The following SLC2A9 variants were observed in gnomAD, a reference collection of about 807,000 sequenced individuals.
SLC2A9 encodes solute carrier family 2 member 9.
Under a neutral mutation model 50.6 loss-of-function variants are expected in SLC2A9, and 39 were observed. The observed-to-expected ratio is 0.77, with a 90% CI of 0.60 to 1.01. The LOEUF (loss-of-function observed/expected upper bound fraction) is 1.01. SLC2A9 is among the 50% of genes least tolerant of loss of function. The pLI is 0.00. For synonymous variants in SLC2A9, 324 were observed against 276.9 expected, an observed-to-expected ratio of 1.17 and a Z score of -1.69; for missense variants, 686 against 677.6, an observed-to-expected ratio of 1.01 and a Z score of -0.14.
At chr4:9,956,692 A>C (rs969042268) in intron 5 of SLC2A9, among the ~76,000 whole-genome samples, 1 of 152,120 alleles carries the variant, frequency 6.6e-6, no homozygotes, top group Non-Finnish European at 1.5e-5. Flanking sequence ...CTAGCATTTC[A>C]AATTGTGATC....
intron 10 of SLC2A9, among the ~76,000 whole-genome samples, chr4:9,886,288 GA>G (rs1477585651): frequency 6.6e-6 from 1 of 152,222 alleles, no homozygotes; most frequent in Non-Finnish European, 1.5e-5. Context: ...AGATGCCCTG[GA>G]AGACTAAACA....
chr4:9,928,014 G>A (rs1380376759), intron 6 of SLC2A9, among the ~76,000 whole-genome samples: 2 of 152,200 alleles, frequency 1.3e-5, no homozygotes, highest in Non-Finnish European at 2.9e-5. Context: ...ATGCCTGTAT[G>A]TAGTTCCAAC....
intron 3 of SLC2A9, among the ~76,000 whole-genome samples, chr4:9,791,489 G>T (rs113172407): frequency 1.4e-4 from 21 of 152,360 alleles, no homozygotes; most frequent in African/African-American, 5.0e-4. Flanking sequence ...AACTTTAGTT[G>T]ATGCTGAAGG....
At chr4:9,847,905 T>G (rs1442535314) in intron 10 of SLC2A9, among the ~76,000 whole-genome samples, 1 of 152,178 alleles carries the variant, frequency 6.6e-6, no homozygotes, top group African/African-American at 2.4e-5. Context: ...TGGTCTGAAC[T>G]GAAAGAGCAA....
intron 1 of SLC2A9, chr4:10,034,337 A>C (rs765470938): frequency 1.3e-5 from 2 of 152,304 alleles, no homozygotes; most frequent in Non-Finnish European, 2.9e-5. Context: ...GCGACCCCGC[A>C]CTTGTCAGCC....
intron 3 of SLC2A9, among the ~76,000 whole-genome samples, chr4:9,994,885 G>A (rs9998739): frequency 0.23 from 34,494 of 151,944 alleles, 4,435 homozygotes; most frequent in African/African-American, 0.33. Flanking sequence ...CATCCCACTA[G>A]GACAAGCAAG....
intron 3 of SLC2A9, among the ~76,000 whole-genome samples, chr4:9,816,279 C>A (rs1209272985): frequency 6.6e-6 from 1 of 152,200 alleles, no homozygotes; most frequent in Non-Finnish European, 1.5e-5. Context: ...CTGGAGACAA[C>A]TGCTCTAGGC....
intron 10 of SLC2A9, among the ~76,000 whole-genome samples, chr4:9,878,656 C>T (rs1249849213): frequency 1.3e-5 from 2 of 151,944 alleles, no homozygotes; most frequent in African/African-American, 4.8e-5. Context: ...GGGCACTTTC[C>T]TGAGTTCTGG....
intron 1 of SLC2A9, among the ~76,000 whole-genome samples, chr4:10,030,870 C>A (rs1439913019): frequency 1.3e-5 from 2 of 152,146 alleles, no homozygotes; most frequent in Non-Finnish European, 2.9e-5. Context: ...CAGCCCTCAG[C>A]AGAGGTCATG....
chr4:10,020,417 C>T (rs1161698156), intron 1 of SLC2A9, among the ~76,000 whole-genome samples: 1 of 152,142 alleles, frequency 6.6e-6, no homozygotes. Flanking sequence ...GTTGAGGAGC[C>T]TGCTGCAGAG....
At chr4:9,792,163 C>CTTTTTTTTTT (rs34289788) in intron 3 of SLC2A9, among the ~76,000 whole-genome samples, 34 of 77,218 alleles carry the variant, frequency 4.4e-4, no homozygotes, top group Non-Finnish European at 6.1e-4. Context: ...TTCTATGTTT[C>CTTTTTTTTTT]TTTTTTTTTT....
chr4:9,848,479 T>A (rs1450204548), intron 10 of SLC2A9, among the ~76,000 whole-genome samples: 1 of 152,000 alleles, frequency 6.6e-6, no homozygotes, highest in Non-Finnish European at 1.5e-5. Context: ...CACAGCCTCA[T>A]GTTTATTTAT....
downstream of SLC2A9, among the ~76,000 whole-genome samples, chr4:9,795,855 A>G (rs1246027244): frequency 6.6e-6 from 1 of 152,220 alleles, no homozygotes. Flanking sequence ...ACCAAAGAGC[A>G]GCATGAGCAG....
intron 10 of SLC2A9, among the ~76,000 whole-genome samples, chr4:9,864,268 C>T (rs1732100054): frequency 6.6e-6 from 1 of 150,572 alleles, no homozygotes; most frequent in African/African-American, 2.5e-5. Flanking sequence ...CTCTCAGAAC[C>T]AGTTTTCTTC....
chr4:10,008,518 G>T (rs1354565794), intron 2 of SLC2A9, among the ~76,000 whole-genome samples: 1 of 152,224 alleles, frequency 6.6e-6, no homozygotes, highest in African/African-American at 2.4e-5. Flanking sequence ...GACATCACAG[G>T]AGGCAGCTCC....
At chr4:9,836,088 C>CAAAAAAAAAAAAAA (rs35303241) in intron 10 of SLC2A9, among the ~76,000 whole-genome samples, 14 of 48,200 alleles carry the variant, frequency 2.9e-4, no homozygotes, top group Non-Finnish European at 4.2e-4. Flanking sequence ...AACTCCCTCT[C>CAAAAAAAAAAAAAA]AAAAAAAAAA....
intron 7 of SLC2A9, among the ~76,000 whole-genome samples, chr4:9,909,449 T>C (rs902161176): frequency 1.3e-5 from 2 of 152,160 alleles, no homozygotes; most frequent in Admixed American, 6.5e-5. Context: ...ACCTGCCACA[T>C]GAGGTTAGAC....
intron 3 of SLC2A9, chr4:9,783,394 G>A (rs1064138): frequency 2.5e-6 from 4 of 1,614,180 alleles, no homozygotes; most frequent in African/African-American, 1.3e-5. Flanking sequence ...AGTCTGTCTG[G>A]GAGCTGGACT....
chr4:9,887,634 G>A lies in SLC2A9; in HGVS notation c.1224C>T (p.Ala408=), dbSNP rs1454594150. The change falls in exon 10 of 12, where the codon GCC becomes GCT. Residue 408 remains alanine (A), a synonymous_variant. Transcript: ENST00000264784. The stretch of plus-strand genomic sequence containing the variant: ...CGATACTCAGGTAGGGGACCCAGGG[G>A]GCGTGGTCCTGGGAGAGAACAGGGA... ...LTITLTLQDH[A]PWVPYLSIVG... The A allele has an allele frequency of 1.3e-6, 2 of 1,545,756 alleles. No homozygotes were observed. Among genetic ancestry groups the A allele is most frequent in the Non-Finnish European group, 1.7e-6 (2 of 1,144,078 alleles).
Sources: gnomAD v4.1 joint callset for allele counts (sites outside exome capture counted in the v4.1 genomes callset) on GRCh38, gnomAD v4.1.1 for gene constraint, MANE v1.5 for transcripts, NCBI Gene and HGNC (gene_info 2026-07-23, HGNC 2026-07-21) for gene names.